The following PPP2R1B variants were observed in gnomAD, a reference collection of about 807,000 sequenced individuals.
The protein encoded by PPP2R1B is protein phosphatase 2 scaffold subunit Abeta.
In PPP2R1B, 58 loss-of-function variants were observed where a neutral mutation model predicts 72.7. The ratio of observed to expected loss-of-function variants is 0.80; its 90% CI spans 0.65 to 0.99. PPP2R1B has a LOEUF of 0.99. PPP2R1B is among the 50% of genes least tolerant of loss of function. PPP2R1B has a pLI of 0.00. For missense variants in PPP2R1B, 695 were observed against 733.6 expected, an observed-to-expected ratio of 0.95 and a Z score of 0.61; for synonymous variants, 256 against 264.6, an observed-to-expected ratio of 0.97 and a Z score of 0.32.
At position 111,738,025 on chromosome 11, in the gene PPP2R1B, G is replaced by A. The variant is rs573883928; in HGVS notation, c.*3571C>T. The A allele has an allele frequency of 1.6e-5, 16 of 1,009,638 alleles. No homozygotes were observed. The highest frequency in any genetic ancestry group is 1.8e-4 in the East Asian group (2 of 10,926). 62.5% of individuals were successfully genotyped at this position (1,009,638 alleles called of 1,614,324 possible). ...GTAATTTCCTGGAAACAGCAGGCTC[G>A]TGGAGGCAAACGGGGGACAGTGAGA... On this transcript the variant is annotated 3_prime_UTR_variant, in exon 15 of 15. Transcript: ENST00000527614.
At position 111,766,229 on chromosome 11, in the gene PPP2R1B, C is replaced by A. The variant is rs374567089; in HGVS notation, c.114+19G>T. 2 of 1,612,834 alleles carry A rather than the reference C, an allele frequency of 1.2e-6. No individual in the cohort carries two copies. On this transcript the variant is annotated intron_variant, in intron 1 of 14. Coordinates refer to ENST00000527614, the MANE Select transcript of PPP2R1B (RefSeq NM_002716.5). ...CGACCAGCCGGTCTCGCCTCGGGTC[C>A]CCGGCCTCAGTCCAGTACCTGCACG...
In PPP2R1B at chr11:111,759,784, A is replaced by C; in HGVS notation, c.687+20T>G. The stretch of plus-strand genomic sequence containing the variant: ...GAAAGGAGCATATCTGTGTCCCTTA[A>C]ATACTAAGAGTTAGTTTACCTGTTC... On this transcript the variant is annotated intron_variant, in intron 5 of 14. Coordinates refer to ENST00000527614, the MANE Select transcript of PPP2R1B (RefSeq NM_002716.5). 1 of 1,598,004 alleles carries C rather than the reference A, an allele frequency of 6.3e-7. No homozygotes were observed. Among genetic ancestry groups the C allele is most frequent in the Non-Finnish European group, 8.5e-7 (1 of 1,169,652 alleles).
intron 12 of PPP2R1B, 27 bp downstream of exon 12, chr11:111,743,349 T>G: frequency 6.3e-7 from 1 of 1,577,306 alleles, no homozygotes; most frequent in Non-Finnish European, 8.7e-7. Flanking sequence ...TGATTAAGCT[T>G]AGCAATAACA....
At chr11:111,701,025 T>C in the PPP2R1B span, 5 of 1,612,056 alleles carry the variant, frequency 3.1e-6, no homozygotes, top group South Asian at 3.3e-5. The surrounding 1 kb of genome is among the most constrained non-coding windows in gnomAD (Gnocchi z 4.2). Flanking sequence ...TGCTTTGCTT[T>C]GCTGTGTTGT....
chr11:111,759,088 G>A (rs1945231554), intron 5 of PPP2R1B, among the ~76,000 whole-genome samples: 1 of 152,144 alleles, frequency 6.6e-6, no homozygotes, highest in Non-Finnish European at 1.5e-5. Context: ...GGACAGCCTA[G>A]CTGTGAAGGG....
chr11:111,738,925 T>TGTGTGTCTGC lies in PPP2R1B; in HGVS notation c.*2670_*2671insGCAGACACAC, dbSNP rs1555044067. ...GTGTGTGTGTGTGTGTGTGTGTGTGTCTGCTTCATTTTTCTAATCAAACAA... is the reference window on the plus strand; with the variant it reads ...GTGTGTGTGTGTGTGTGTGTGTGTGTGTGTGTCTGCCTGCTTCATTTTTCTAATCAAACAA... On this transcript the variant is annotated 3_prime_UTR_variant, in exon 15 of 15. Transcript: ENST00000527614. 662 of 982,484 alleles carry TGTGTGTCTGC rather than the reference T, an allele frequency of 6.7e-4. 2 individuals carry two copies. The African/African-American group carries it at 0.011, about 17-fold the overall frequency. 60.9% of individuals were successfully genotyped at this position (982,484 alleles called of 1,614,324 possible).
chr11:111,718,941 T>C, the PPP2R1B span: 999 of 152,396 alleles, frequency 6.6e-3, 8 homozygotes, highest in Middle Eastern at 0.054. Context: ...CAGTATGCTG[T>C]TCTGCCTGCC....
At chr11:111,726,840 C>T (rs777206821), downstream of PPP2R1B, 5 of 803,924 alleles carry the variant, frequency 6.2e-6, no homozygotes, top group Non-Finnish European at 1.0e-5. Flanking sequence ...AGCTTCATCA[C>T]CCTGTAAACC....
intron 11 of PPP2R1B, among the ~76,000 whole-genome samples, chr11:111,746,019 C>G (rs1944692239): frequency 6.6e-6 from 1 of 152,180 alleles, no homozygotes; most frequent in Non-Finnish European, 1.5e-5. Flanking sequence ...ACAAGGGTTT[C>G]TCCTGCTCCC....
chr11:111,757,926 G>A (rs920835483), intron 5 of PPP2R1B, among the ~76,000 whole-genome samples: 2 of 151,344 alleles, frequency 1.3e-5, no homozygotes, highest in East Asian at 1.9e-4. Context: ...CTATCTTAAC[G>A]ATGACACCAT....
chr11:111,762,620 A>G (rs543785710), intron 3 of PPP2R1B, among the ~76,000 whole-genome samples: 174 of 151,564 alleles, frequency 1.1e-3, no homozygotes, highest in African/African-American at 4.0e-3. Context: ...CAGTGGCACA[A>G]TCATGGCTCA....
chr11:111,688,240 G>T, the PPP2R1B span: 7 of 1,402,550 alleles, frequency 5.0e-6, no homozygotes, highest in Middle Eastern at 1.8e-4. This position sits in a 1 kb window ranked among gnomAD's most constrained non-coding sequence, Gnocchi z 4.2. Context: ...ACCTGCAGGC[G>T]CAGATTCAGC....
rs148565983 is a variant in PPP2R1B at position 111,731,212 on chromosome 11, G to A, written c.1912-4155C>T. Reference sequence around the variant, plus strand: ...GTAGCCTGGGCAAGGGCCTCATGCCGCGGTAGGAGGAGGGGAGGCAGATGC... The same window carrying A: ...GTAGCCTGGGCAAGGGCCTCATGCCACGGTAGGAGGAGGGGAGGCAGATGC... On this transcript the variant is annotated intron_variant, in intron 15 of 15. Coordinates refer to the PPP2R1B transcript ENST00000311129. Among the ~76,000 whole-genome samples, 157 of 152,356 alleles carry A rather than the reference G, an allele frequency of 1.0e-3. 1 individual carries two copies. The highest frequency in any genetic ancestry group is 3.4e-3 in the African/African-American group (143 of 41,592).
In PPP2R1B at chr11:111,739,179, T is replaced by C. The variant is rs932472602; in HGVS notation, c.*2417A>G. The C allele has an allele frequency of 8.1e-6, 8 of 984,852 alleles. No individual in the cohort carries two copies. Among genetic ancestry groups the C allele is most frequent in the African/African-American group, 3.5e-5 (2 of 57,210 alleles). The allele number at this position is 984,852 out of a possible 1,614,324, so 61.0% of individuals were successfully genotyped here. On this transcript the variant is annotated 3_prime_UTR_variant, in exon 15 of 15. Transcript: ENST00000527614. ...GGAGGATATTTTAGAAATTCATCCATTGAACACATTTTTATTGAGCACCTA... is the reference window on the plus strand; with the variant it reads ...GGAGGATATTTTAGAAATTCATCCACTGAACACATTTTTATTGAGCACCTA...
At chr11:111,730,704 C>T (rs958486252) in intron 15 of PPP2R1B, 18 of 151,754 alleles carry the variant, frequency 1.2e-4, no homozygotes, top group African/African-American at 2.9e-4. Context: ...TAACTTGTCA[C>T]TTAATGTTAG....
In PPP2R1B at chr11:111,765,286, T is replaced by A. The variant is rs782461821; in HGVS notation, c.205+8A>T. The A allele has an allele frequency of 6.2e-7, 1 of 1,601,548 alleles. No individual in the cohort carries two copies. Among genetic ancestry groups the A allele is most frequent in the East Asian group, 2.2e-5 (1 of 44,798 alleles). On this transcript the variant is annotated splice_region_variant and intron_variant, in intron 2 of 14. Transcript: ENST00000527614. ...TCCCTACCTTTCTTTAAACAAAGATTCACATACCTGTAAGAAATGGCAACA... is the reference window on the plus strand; with the variant it reads ...TCCCTACCTTTCTTTAAACAAAGATACACATACCTGTAAGAAATGGCAACA...
At chr11:111,721,195 T>C in the PPP2R1B span, 1 of 1,129,800 alleles carries the variant, frequency 8.9e-7, no homozygotes, top group Non-Finnish European at 1.2e-6. Flanking sequence ...AACCCACAGC[T>C]TCTTTGCCTT....
At chr11:111,723,019 GC>G (rs1330486810), downstream of PPP2R1B, among the ~76,000 whole-genome samples, 3 of 152,166 alleles carry the variant, frequency 2.0e-5, no homozygotes, top group African/African-American at 7.2e-5. Context: ...CTAGCTCCAA[GC>G]TTTCACAGTC....
downstream of PPP2R1B, among the ~76,000 whole-genome samples, chr11:111,737,055 AT>A (rs1184488815): frequency 6.6e-6 from 1 of 152,222 alleles, no homozygotes; most frequent in African/African-American, 2.4e-5. Flanking sequence ...TTGAATGGAA[AT>A]AACTGAGAGG....
Sources: gnomAD v4.1 joint callset for allele counts (sites outside exome capture counted in the v4.1 genomes callset) on GRCh38, gnomAD v4.1.1 for gene constraint, Gnocchi (gnomAD v3.1) non-coding constraint, MANE v1.5 for transcripts, NCBI Gene and HGNC (gene_info 2026-07-23, HGNC 2026-07-21) for gene names.